KCNH7: variants seen among roughly 807,000 people sequenced by gnomAD.
KCNH7 encodes the protein potassium voltage-gated channel subfamily H member 7.
A neutral mutation model predicts 120.8 loss-of-function variants in KCNH7; 49 were observed. The ratio of observed to expected loss-of-function variants is 0.41; its 90% CI spans 0.32 to 0.51. The LOEUF (loss-of-function observed/expected upper bound fraction) is 0.51, where lower values mean the gene tolerates loss of function less well. Ranked by LOEUF, KCNH7 falls within the 20% of genes least tolerant of loss-of-function variation. KCNH7 has a pLI of 0.38. For synonymous variants in KCNH7, 547 were observed against 516.1 expected (o/e 1.06, Z -0.81); for missense variants, 1,097 against 1,446.6 (o/e 0.76, Z 3.92).
rs147643554 is a variant in KCNH7 at position 162,431,168 on chromosome 2, C to A, written c.1954+4030G>T. Among the ~76,000 whole-genome samples the A allele has an allele frequency of 1.5e-4, 23 of 151,904 alleles. 1 individual carries two copies. Among genetic ancestry groups the A allele is most frequent in the Non-Finnish European group, 2.7e-4 (18 of 67,908 alleles). On this transcript the variant is annotated intron_variant, in intron 8 of 15. Coordinates refer to ENST00000332142, the MANE Select transcript of KCNH7 (RefSeq NM_033272.4). ...TATTTTTAGTTTCCTTCAATTATATCGCTATAAGATAGAAGGCTGATTGCC... is the reference window on the plus strand; with the variant it reads ...TATTTTTAGTTTCCTTCAATTATATAGCTATAAGATAGAAGGCTGATTGCC...
intron 2 of KCNH7, among the ~76,000 whole-genome samples, chr2:162,580,447 CA>C (rs1206600665): frequency 5.3e-5 from 8 of 151,976 alleles, no homozygotes; most frequent in Non-Finnish European, 8.8e-5. Context: ...AGAATATGAA[CA>C]GGGGAGGCTT....
At chr2:162,408,002 G>A (rs1030444583) in intron 9 of KCNH7, among the ~76,000 whole-genome samples, 1 of 151,984 alleles carries the variant, frequency 6.6e-6, no homozygotes, top group Non-Finnish European at 1.5e-5. Context: ...ATCATGTGGG[G>A]AATATACATT....
intron 6 of KCNH7, among the ~76,000 whole-genome samples, chr2:162,474,193 T>A (rs1689657162): frequency 6.6e-6 from 1 of 152,196 alleles, no homozygotes; most frequent in South Asian, 2.1e-4. Flanking sequence ...CCCAGGGGCA[T>A]AAAAGTGATA....
Position 162,722,824 on chromosome 2 carries a change from T to C in KCNH7, c.307+113713A>G, listed in dbSNP as rs1372459101. On this transcript the variant is annotated intron_variant, in intron 2 of 15. Coordinates refer to ENST00000332142, the MANE Select transcript of KCNH7 (RefSeq NM_033272.4). The stretch of plus-strand genomic sequence containing the variant: ...TTCATTCTTTTTTTCTTTTTTTTTT[T>C]TTTTTTTGCTTCTCTGAGTAATTTC... Among the ~76,000 whole-genome samples the C allele has an allele frequency of 6.8e-5, 10 of 146,422 alleles. No homozygotes were observed. In the South Asian group the frequency reaches 1.3e-3, roughly 19 times the overall value.
intron 2 of KCNH7, among the ~76,000 whole-genome samples, chr2:162,603,318 T>A (rs951355377): frequency 3.3e-5 from 5 of 152,074 alleles, no homozygotes; most frequent in African/African-American, 7.2e-5. Flanking sequence ...ATTTTTAATT[T>A]AAAAAATCTG....
intron 2 of KCNH7, among the ~76,000 whole-genome samples, chr2:162,587,241 T>A (rs967859051): frequency 6.6e-6 from 1 of 152,078 alleles, no homozygotes; most frequent in Non-Finnish European, 1.5e-5. Context: ...CTACATCTTT[T>A]ATTTGGGTAG....
chr2:162,575,129 G>A (rs1693625729), intron 2 of KCNH7, among the ~76,000 whole-genome samples: 2 of 152,052 alleles, frequency 1.3e-5, no homozygotes, highest in South Asian at 4.1e-4. Flanking sequence ...TTGGCAGGCA[G>A]GCTGAGCCGG....
chr2:162,552,420 A>T (rs1309805156), intron 2 of KCNH7, among the ~76,000 whole-genome samples: 6 of 152,198 alleles, frequency 3.9e-5, no homozygotes, highest in Admixed American at 6.5e-5. Flanking sequence ...AGAACAAAAA[A>T]AGACAGGAAA....
chr2:162,443,620 C>T (rs1325166732), intron 7 of KCNH7, among the ~76,000 whole-genome samples: 1 of 152,192 alleles, frequency 6.6e-6, no homozygotes, highest in Non-Finnish European at 1.5e-5. Context: ...TTCTTCATTT[C>T]TGTTGCTACC....
At chr2:162,526,115 G>T (rs1691696007) in intron 3 of KCNH7, among the ~76,000 whole-genome samples, 1 of 151,864 alleles carries the variant, frequency 6.6e-6, no homozygotes, top group Non-Finnish European at 1.5e-5. Flanking sequence ...CATGTTGGCA[G>T]GTTCCGTGAT....
Position 162,801,338 on chromosome 2 carries a change from A to G in KCNH7, c.307+35199T>C, listed in dbSNP as rs1192932155. 4.6e-5 allele frequency among the ~76,000 whole-genome samples: 7 copies of G among 151,832 alleles called. 1 individual carries two copies. The highest frequency in any genetic ancestry group is 1.7e-4 in the African/African-American group (7 of 41,418). On this transcript the variant is annotated intron_variant, in intron 2 of 15. Transcript: ENST00000332142. ...TAGGGTGCTGAAATTAACTGCAGGA[A>G]TAGCAATTCTCAACAATTGTCTATT...
chr2:162,607,485 T>G (rs1216650711), intron 2 of KCNH7, among the ~76,000 whole-genome samples: 1 of 152,124 alleles, frequency 6.6e-6, no homozygotes, highest in Non-Finnish European at 1.5e-5. Context: ...TTTTCATATC[T>G]TTATTTGCCA....
intron 2 of KCNH7, among the ~76,000 whole-genome samples, chr2:162,637,942 G>T (rs552893094): frequency 1.3e-5 from 2 of 152,128 alleles, no homozygotes; most frequent in Non-Finnish European, 2.9e-5. Flanking sequence ...AATTCAAAGG[G>T]GTTACCATGA....
At chr2:162,812,259 G>C (rs1244810706) in intron 2 of KCNH7, among the ~76,000 whole-genome samples, 1 of 152,050 alleles carries the variant, frequency 6.6e-6, no homozygotes, top group African/African-American at 2.4e-5. Flanking sequence ...TTGAGGAAAA[G>C]TGACACAGTG....
chr2:162,661,422 A>G (rs887532461), intron 2 of KCNH7, among the ~76,000 whole-genome samples: 19 of 152,258 alleles, frequency 1.2e-4, no homozygotes, highest in Non-Finnish European at 8.8e-5. Flanking sequence ...CATCTTTAAT[A>G]AAATACAGTG....
intron 9 of KCNH7, among the ~76,000 whole-genome samples, chr2:162,413,791 C>A (rs1687462727): frequency 1.3e-5 from 2 of 151,120 alleles, no homozygotes; most frequent in South Asian, 4.2e-4. Context: ...AAAAAAACAG[C>A]AATGTTAAGG....
At chr2:162,708,344 G>A (rs1333514745) in intron 2 of KCNH7, among the ~76,000 whole-genome samples, 1 of 151,908 alleles carries the variant, frequency 6.6e-6, no homozygotes, top group Non-Finnish European at 1.5e-5. Context: ...TTTATTTGTA[G>A]GCCAGGGAAT....
intron 6 of KCNH7, among the ~76,000 whole-genome samples, chr2:162,481,007 C>A (rs897168392): frequency 6.6e-6 from 1 of 152,180 alleles, no homozygotes; most frequent in African/African-American, 2.4e-5. Context: ...CTCCACCCAG[C>A]TGACATCCTT....
At chr2:162,663,510 C>G (rs1450512456) in intron 2 of KCNH7, among the ~76,000 whole-genome samples, 3 of 152,098 alleles carry the variant, frequency 2.0e-5, no homozygotes, top group Admixed American at 1.3e-4. Context: ...ACTAAATTCT[C>G]CTTTTTCATG....
Sources: gnomAD v4.1 joint callset for allele counts (sites outside exome capture counted in the v4.1 genomes callset) on GRCh38, gnomAD v4.1.1 for gene constraint, MANE v1.5 for transcripts, NCBI Gene and HGNC (gene_info 2026-07-23, HGNC 2026-07-21) for gene names.